RALGPS1: variants seen among roughly 807,000 people sequenced by gnomAD.
RALGPS1 encodes ras-specific guanine nucleotide-releasing factor RalGPS1.
In RALGPS1, 19 loss-of-function variants were observed where a neutral mutation model predicts 78.8. That is an observed-to-expected ratio of 0.24 (90% CI 0.17 to 0.35). RALGPS1 has a LOEUF of 0.35. Among genes scored for constraint, RALGPS1 ranks in the 10% least tolerant of loss-of-function variants. The pLI, the probability that RALGPS1 is intolerant of heterozygous loss-of-function variation, is 1.00. For missense variants in RALGPS1, 454 were observed against 688.3 expected, an observed-to-expected ratio of 0.66 and a Z score of 3.81; for synonymous variants, 228 against 256.3, an observed-to-expected ratio of 0.89 and a Z score of 1.06.
chr9:127,088,820 G>T, intron 8 of RALGPS1: 2 of 1,181,794 alleles, frequency 1.7e-6, no homozygotes, highest in South Asian at 1.4e-5. Context: ...ACAGAATCCA[G>T]CATCCCGGTC....
intron 7 of RALGPS1, among the ~76,000 whole-genome samples, chr9:127,055,212 A>ATCTATCTGTCTGTCTG (rs1554809768): frequency 6.6e-6 from 1 of 150,984 alleles, no homozygotes; most frequent in Non-Finnish European, 1.5e-5. Flanking sequence ...CTATCTATCT[A>ATCTATCTGTCTGTCTG]TCTGTCTGTC....
At chr9:126,968,252 C>T (rs901562482) in intron 3 of RALGPS1, among the ~76,000 whole-genome samples, 17 of 152,166 alleles carry the variant, frequency 1.1e-4, no homozygotes, top group Non-Finnish European at 2.1e-4. Context: ...CTGCTCGCCT[C>T]GGCCTCCCAT....
At chr9:126,988,265 G>A (rs1272506792) in intron 4 of RALGPS1, among the ~76,000 whole-genome samples, 1 of 152,182 alleles carries the variant, frequency 6.6e-6, no homozygotes, top group African/African-American at 2.4e-5. Context: ...GAGGAGCATG[G>A]ACACGTGTCA....
chr9:126,916,399 G>C (rs2034162486), intron 1 of RALGPS1, among the ~76,000 whole-genome samples: 1 of 152,180 alleles, frequency 6.6e-6, no homozygotes. Flanking sequence ...CCCAACCCCG[G>C]TGAGGACTCT....
At chr9:127,113,331 A>C (rs10987562) in intron 8 of RALGPS1, among the ~76,000 whole-genome samples, 12,452 of 152,080 alleles carry the variant, frequency 0.082, 1,681 homozygotes, top group African/African-American at 0.28. Context: ...CTTCTCTTTG[A>C]GCCTCAGAGT....
intron 8 of RALGPS1, among the ~76,000 whole-genome samples, chr9:127,085,340 G>A (rs1379503520): frequency 1.3e-5 from 2 of 152,196 alleles, no homozygotes; most frequent in East Asian, 3.8e-4. Context: ...TAGGACTCCT[G>A]TGATTGTAGT....
chr9:127,108,916 C>T (rs1195518412), intron 8 of RALGPS1: 4 of 643,514 alleles, frequency 6.2e-6, no homozygotes, highest in Non-Finnish European at 7.6e-6. Context: ...GTTATATTCT[C>T]TTGGAGTCAG....
At chr9:126,967,459 A>T (rs1159802000) in intron 3 of RALGPS1, among the ~76,000 whole-genome samples, 2 of 152,160 alleles carry the variant, frequency 1.3e-5, no homozygotes, top group Admixed American at 6.5e-5. Flanking sequence ...CTAAAGTAGC[A>T]TCTTTCCATC....
At chr9:126,940,122 A>C (rs2036620680) in intron 1 of RALGPS1, among the ~76,000 whole-genome samples, 1 of 152,032 alleles carries the variant, frequency 6.6e-6, no homozygotes, top group Admixed American at 6.5e-5. Context: ...CTCCTTTTCC[A>C]AGCAACCTGT....
rs1225368439 is a variant in RALGPS1 at position 127,221,277 on chromosome 9, A to G, written c.*2508A>G. On this transcript the variant is annotated 3_prime_UTR_variant, in exon 19 of 19. Transcript: ENST00000259351. ...TGGGTAGACCCTCCCCCTGGAGGGAAGCATTTCTAGTTTTTGCTCCTTGAC... is the reference window on the plus strand; with the variant it reads ...TGGGTAGACCCTCCCCCTGGAGGGAGGCATTTCTAGTTTTTGCTCCTTGAC... 3 of 152,226 alleles carry G rather than the reference A, an allele frequency of 2.0e-5. No homozygotes were observed. The highest frequency in any genetic ancestry group is 2.0e-4 in the Admixed American group (3 of 15,282). The allele number at this position is 152,226 out of a possible 1,614,324, so 9.4% of individuals were successfully genotyped here. A position where few individuals can be genotyped will look rare whatever the true frequency, so the allele number is the denominator to read the frequency against.
intron 5 of RALGPS1, among the ~76,000 whole-genome samples, chr9:127,038,509 A>G (rs1335280319): frequency 1.3e-5 from 2 of 152,174 alleles, no homozygotes; most frequent in African/African-American, 2.4e-5. Flanking sequence ...TCCACATGCT[A>G]TCTCTAAACA....
At chr9:126,975,850 C>T (rs2040559378) in intron 3 of RALGPS1, among the ~76,000 whole-genome samples, 3 of 152,200 alleles carry the variant, frequency 2.0e-5, no homozygotes, top group African/African-American at 7.2e-5. Context: ...TCAGATTCCG[C>T]TCCAGTGCTT....
intron 8 of RALGPS1, among the ~76,000 whole-genome samples, chr9:127,112,460 A>G (rs2054930578): frequency 6.6e-6 from 1 of 152,266 alleles, no homozygotes; most frequent in Non-Finnish European, 1.5e-5. Context: ...ACTGTGGCCA[A>G]GAAACTGCCA....
intron 8 of RALGPS1, among the ~76,000 whole-genome samples, chr9:127,086,242 G>A (rs2051723950): frequency 6.6e-6 from 1 of 152,182 alleles, no homozygotes; most frequent in East Asian, 1.9e-4. Context: ...TTGGTCATTA[G>A]GTAGAAGGAT....
chr9:127,011,139 G>T (rs1402261006), intron 4 of RALGPS1, among the ~76,000 whole-genome samples: 2 of 152,102 alleles, frequency 1.3e-5, no homozygotes, highest in Non-Finnish European at 2.9e-5. Flanking sequence ...GGCTGGAGAT[G>T]CATAGGGTGT....
chr9:126,919,351 A>G (rs2034519289), intron 1 of RALGPS1, among the ~76,000 whole-genome samples: 2 of 152,316 alleles, frequency 1.3e-5, no homozygotes. Context: ...TTGTCCTAGG[A>G]AAAAAAGTGG....
At chr9:126,948,112 C>T (rs2037455077) in intron 1 of RALGPS1, among the ~76,000 whole-genome samples, 2 of 152,132 alleles carry the variant, frequency 1.3e-5, no homozygotes, top group South Asian at 4.1e-4. Flanking sequence ...TGTGTTAACC[C>T]TGGGGACAGG....
intron 8 of RALGPS1, among the ~76,000 whole-genome samples, chr9:127,110,541 T>C (rs761306914): frequency 9.2e-5 from 14 of 152,194 alleles, no homozygotes; most frequent in Non-Finnish European, 1.9e-4. Flanking sequence ...TCTGGAACTC[T>C]CCCCAGGACT....
chr9:127,053,277 T>C (rs2048447527), intron 7 of RALGPS1, among the ~76,000 whole-genome samples: 1 of 152,164 alleles, frequency 6.6e-6, no homozygotes, highest in Admixed American at 6.5e-5. Flanking sequence ...CAAACTGTCC[T>C]TGGGAAGGTC....
Sources: allele counts gnomAD v4.1 joint callset (sites outside exome capture counted in the v4.1 genomes callset), GRCh38; gene constraint gnomAD v4.1.1; transcripts MANE v1.5; gene names NCBI Gene and HGNC (gene_info 2026-07-23, HGNC 2026-07-21).